TTLL11: variants seen among roughly 807,000 people sequenced by gnomAD.
TTLL11 encodes tubulin tyrosine ligase like 11.
TTLL11 carries 42 observed loss-of-function variants against 51.7 expected under a neutral mutation model. The observed-to-expected ratio is 0.81, with a 90% CI of 0.64 to 1.05. TTLL11 has a LOEUF of 1.05. Among genes scored for constraint, TTLL11 ranks in the 50% least tolerant of loss-of-function variants. The pLI is 0.00. For synonymous variants in TTLL11, 381 were observed against 383.5 expected (o/e 0.99, Z 0.08); for missense variants, 799 against 940.4 (o/e 0.85, Z 1.97).
At chr9:121,892,052 A>T (rs1038452465) in intron 6 of TTLL11, among the ~76,000 whole-genome samples, 1 of 145,702 alleles carries the variant, frequency 6.9e-6, no homozygotes, top group Non-Finnish European at 1.5e-5. Flanking sequence ...TATATTAAAA[A>T]ATATAAAAAA....
At chr9:121,874,801 G>C (rs1344755878) in intron 6 of TTLL11, among the ~76,000 whole-genome samples, 1 of 149,032 alleles carries the variant, frequency 6.7e-6, no homozygotes, top group African/African-American at 2.5e-5. Flanking sequence ...CTGTCACCCA[G>C]GCTGCAGTGC....
intron 1 of TTLL11, among the ~76,000 whole-genome samples, chr9:122,046,238 A>G (rs1327466967): frequency 6.6e-6 from 1 of 152,006 alleles, no homozygotes; most frequent in Non-Finnish European, 1.5e-5. Flanking sequence ...CGTGACAGTG[A>G]ATTCTCACGA....
intron 3 of TTLL11, among the ~76,000 whole-genome samples, chr9:122,028,759 A>G (rs1335830928): frequency 3.9e-5 from 6 of 152,238 alleles, no homozygotes; most frequent in Non-Finnish European, 7.3e-5. Context: ...ATCAAGATGG[A>G]CAATGTGTAA....
intron 1 of TTLL11, among the ~76,000 whole-genome samples, chr9:122,080,754 A>G (rs1214131248): frequency 1.3e-5 from 2 of 152,190 alleles, no homozygotes; most frequent in South Asian, 2.1e-4. Context: ...ACATTCCTGA[A>G]TAATTTTTAA....
intron 8 of TTLL11, among the ~76,000 whole-genome samples, chr9:121,838,051 T>C (rs1837229672): frequency 6.6e-6 from 1 of 152,210 alleles, no homozygotes; most frequent in South Asian, 2.1e-4. Flanking sequence ...TTGAAATACC[T>C]TCAATGAATC....
intron 6 of TTLL11, among the ~76,000 whole-genome samples, chr9:121,925,000 C>T (rs553243150): frequency 6.6e-6 from 1 of 152,110 alleles, no homozygotes; most frequent in African/African-American, 2.4e-5. Context: ...TGTTTTAATC[C>T]AACAATATCA....
chr9:121,817,573 T>C lies in TTLL11; in HGVS notation c.*5014A>G, dbSNP rs1221369110. Reference sequence around the variant, plus strand: ...GGGAGACCTGGAGCCCTTCCTGGGGTGCTCAGCAGGAGAACAGATCAGAGA... The same window carrying C: ...GGGAGACCTGGAGCCCTTCCTGGGGCGCTCAGCAGGAGAACAGATCAGAGA... On this transcript the variant is annotated 3_prime_UTR_variant, in exon 9 of 9. Coordinates refer to ENST00000321582, the MANE Select transcript of TTLL11 (RefSeq NM_001139442.2). 6.6e-6 allele frequency: 1 copy of C among 152,082 alleles called. No individual in the cohort carries two copies. Among genetic ancestry groups the C allele is most frequent in the African/African-American group, 2.4e-5 (1 of 41,378 alleles). The allele number at this position is 152,082 out of a possible 1,614,324, so 9.4% of individuals were successfully genotyped here. A position where few individuals can be genotyped will look rare whatever the true frequency, so the allele number is the denominator to read the frequency against.
At chr9:121,983,097 T>C (rs1418196429) in intron 4 of TTLL11, among the ~76,000 whole-genome samples, 2 of 151,810 alleles carry the variant, frequency 1.3e-5, no homozygotes, top group South Asian at 2.1e-4. Context: ...AACAGTGGAG[T>C]TGGTTAGAAG....
intron 8 of TTLL11, among the ~76,000 whole-genome samples, chr9:121,837,226 A>C (rs1837205395): frequency 6.6e-6 from 1 of 152,026 alleles, no homozygotes; most frequent in Admixed American, 6.6e-5. Context: ...TGATATTGTG[A>C]ATAATGGTGC....
chr9:121,996,270 C>CT (rs1554779853), intron 3 of TTLL11, among the ~76,000 whole-genome samples: 1 of 152,204 alleles, frequency 6.6e-6, no homozygotes, highest in Non-Finnish European at 1.5e-5. Flanking sequence ...CACCGACCTC[C>CT]TGCCCTTTCT....
At chr9:122,060,830 G>T (rs1387404265) in intron 1 of TTLL11, among the ~76,000 whole-genome samples, 1 of 152,200 alleles carries the variant, frequency 6.6e-6, no homozygotes, top group African/African-American at 2.4e-5. Context: ...CCATTTTCTT[G>T]TTGAAGAAGA....
At chr9:122,069,862 G>C (rs549461273) in intron 1 of TTLL11, among the ~76,000 whole-genome samples, 1 of 152,094 alleles carries the variant, frequency 6.6e-6, no homozygotes, top group South Asian at 2.1e-4. Flanking sequence ...AGGACAGAGA[G>C]AGGAGAATAA....
intron 8 of TTLL11, among the ~76,000 whole-genome samples, chr9:121,855,191 T>A (rs147320337): frequency 5.3e-5 from 8 of 152,246 alleles, no homozygotes; most frequent in Non-Finnish European, 1.0e-4. Flanking sequence ...ATAGCTAATT[T>A]AAAAAGCTAA....
chr9:122,064,022 TAG>T (rs1160374642), intron 1 of TTLL11, among the ~76,000 whole-genome samples: 1 of 152,238 alleles, frequency 6.6e-6, no homozygotes, highest in Non-Finnish European at 1.5e-5. Context: ...CATAATGGAT[TAG>T]AGAGACTCTT....
At chr9:122,024,485 T>C (rs978880114) in intron 3 of TTLL11, among the ~76,000 whole-genome samples, 4 of 152,218 alleles carry the variant, frequency 2.6e-5, no homozygotes, top group Admixed American at 2.0e-4. Context: ...CAAAACAACT[T>C]TGAAAAAGAT....
At chr9:121,863,168 C>T (rs1409053061) in intron 7 of TTLL11, among the ~76,000 whole-genome samples, 2 of 152,316 alleles carry the variant, frequency 1.3e-5, no homozygotes, top group South Asian at 2.1e-4. Context: ...CATCAGCACA[C>T]GGTTATTGAG....
Position 121,942,738 on chromosome 9 carries a change from ATTTTTTTTTTTTT to A in TTLL11, c.1481+31258_1481+31270del, listed in dbSNP as rs34352222. On this transcript the variant is annotated intron_variant, in intron 6 of 8. Coordinates refer to ENST00000321582, the MANE Select transcript of TTLL11 (RefSeq NM_001139442.2). Reference sequence around the variant, plus strand: ...CCTCCTCACGTTTCTAATCTGTCTTATTTTTTTTTTTTTTTTTTTTTTTGCCTGAATATAGCGA... The same window carrying A: ...CCTCCTCACGTTTCTAATCTGTCTTATTTTTTTTTTGCCTGAATATAGCGA... 9.4e-3 allele frequency among the ~76,000 whole-genome samples: 924 copies of A among 97,928 alleles called. 13 individuals carry two copies. The highest frequency in any genetic ancestry group is 0.031 in the African/African-American group (875 of 27,856). The allele number at this position is 97,928 out of a possible 152,430, so 64.2% of individuals were successfully genotyped here.
At chr9:122,044,308 G>T (rs574891281) in intron 1 of TTLL11, among the ~76,000 whole-genome samples, 5 of 151,888 alleles carry the variant, frequency 3.3e-5, no homozygotes, top group Non-Finnish European at 7.4e-5. Context: ...GAATAGTGCC[G>T]CAATAAACAT....
At chr9:122,072,920 T>C (rs1006560419) in intron 1 of TTLL11, among the ~76,000 whole-genome samples, 5 of 152,194 alleles carry the variant, frequency 3.3e-5, no homozygotes, top group Non-Finnish European at 7.3e-5. Context: ...GTCATTTCTT[T>C]GTTTGCCCGT....
Sources: gnomAD v4.1 joint callset for allele counts (sites outside exome capture counted in the v4.1 genomes callset) on GRCh38, gnomAD v4.1.1 for gene constraint, MANE v1.5 for transcripts, NCBI Gene and HGNC (gene_info 2026-07-23, HGNC 2026-07-21) for gene names.